The following MAP4K3 variants were observed in gnomAD, a reference collection of about 807,000 sequenced individuals.
MAP4K3 encodes MAPK/ERK kinase kinase kinase 3.
Under a neutral mutation model 143.5 loss-of-function variants are expected in MAP4K3, and 94 were observed. The observed-to-expected ratio is 0.65, with a 90% CI of 0.55 to 0.78. The LOEUF (loss-of-function observed/expected upper bound fraction) is 0.78, where lower values mean the gene tolerates loss of function less well. Among genes scored for constraint, MAP4K3 ranks in the 30% least tolerant of loss-of-function variants. The pLI is 0.00. For synonymous variants in MAP4K3, 416 were observed against 347.2 expected (o/e 1.20, Z -2.20); for missense variants, 1,077 against 1,068.1 (o/e 1.01, Z -0.12).
intron 14 of MAP4K3, among the ~76,000 whole-genome samples, chr2:39,308,838 C>T (rs1252679338): frequency 6.6e-6 from 1 of 151,756 alleles, no homozygotes; most frequent in Non-Finnish European, 1.5e-5. Flanking sequence ...ACTATGTATG[C>T]CTCATCTCCC....
At chr2:39,308,087 T>C (rs2148497322) in intron 14 of MAP4K3, 82 bp from the exon 15 acceptor site, 1 of 927,466 alleles carries the variant, frequency 1.1e-6, no homozygotes, top group Non-Finnish European at 1.7e-6. Context: ...CTTTCACAAA[T>C]GAAGTAAGTC....
chr2:39,327,631 C>A (rs186737493), intron 8 of MAP4K3, among the ~76,000 whole-genome samples: 1 of 152,164 alleles, frequency 6.6e-6, no homozygotes, highest in African/African-American at 2.4e-5. Context: ...TCAGTAAAGT[C>A]AAAAACAAAA....
intron 6 of MAP4K3, among the ~76,000 whole-genome samples, chr2:39,335,438 A>G (rs1194269360): frequency 1.3e-5 from 2 of 152,188 alleles, no homozygotes; most frequent in African/African-American, 2.4e-5. Context: ...CAGACTCTGA[A>G]GTCTAGCACA....
chr2:39,336,407 G>A lies in MAP4K3; in HGVS notation c.414+513C>T, dbSNP rs562130234. Among the ~76,000 whole-genome samples the A allele has an allele frequency of 2.1e-5, 3 of 142,558 alleles. No homozygotes were observed. The South Asian group carries it at 7.0e-4, about 33-fold the overall frequency. 93.5% of individuals were successfully genotyped at this position (142,558 alleles called of 152,430 possible). A position where few individuals can be genotyped will look rare whatever the true frequency, so the allele number is the denominator to read the frequency against. On this transcript the variant is annotated intron_variant, in intron 6 of 33. Transcript: ENST00000263881. ...GGAATCACTTGAACCCGGGAGGGGA[G>A]GTTGCAGTGAGCCGACATCGTGCCA...
chr2:39,400,902 T>C (rs1166117067), intron 1 of MAP4K3, among the ~76,000 whole-genome samples: 1 of 152,162 alleles, frequency 6.6e-6, no homozygotes. Context: ...ACTTAGTCTT[T>C]AGACATGAAA....
At chr2:39,430,408 G>C (rs1217854139) in intron 1 of MAP4K3, among the ~76,000 whole-genome samples, 1 of 151,928 alleles carries the variant, frequency 6.6e-6, no homozygotes, top group Non-Finnish European at 1.5e-5. Flanking sequence ...CCTATAATCA[G>C]GTCAAGGCAG....
chr2:39,371,860 T>C (rs1666090166), intron 2 of MAP4K3, among the ~76,000 whole-genome samples: 1 of 151,154 alleles, frequency 6.6e-6, no homozygotes, highest in African/African-American at 2.4e-5. Flanking sequence ...CACATCTATC[T>C]ATATACATCC....
rs112543234 is a variant in MAP4K3, at chr2:39,278,238, C to A, written c.1794+169G>T. Among the ~76,000 whole-genome samples, 662 of 152,110 alleles carry A rather than the reference C, an allele frequency of 4.4e-3. 6 individuals carry two copies. Among genetic ancestry groups the A allele is most frequent in the African/African-American group, 0.015 (629 of 41,496 alleles). On this transcript the variant is annotated intron_variant, in intron 24 of 33. Coordinates refer to ENST00000263881, the MANE Select transcript of MAP4K3 (RefSeq NM_003618.4). Reference sequence around the variant, plus strand: ...AGTGAGCCGAGATCACACCACTGCACTGCAGCCTGGGCAACAAGAGTGAGA... The same window carrying A: ...AGTGAGCCGAGATCACACCACTGCAATGCAGCCTGGGCAACAAGAGTGAGA...
chr2:39,322,905 G>A (rs1683360070), intron 12 of MAP4K3, among the ~76,000 whole-genome samples: 2 of 151,964 alleles, frequency 1.3e-5, no homozygotes, highest in Non-Finnish European at 2.9e-5. Context: ...CCTGACCTCA[G>A]GTGATCCACC....
intron 2 of MAP4K3, among the ~76,000 whole-genome samples, chr2:39,358,321 C>T (rs1341437969): frequency 2.6e-5 from 4 of 152,198 alleles, no homozygotes; most frequent in African/African-American, 4.8e-5. Flanking sequence ...TCTTTGTACC[C>T]CTAGTACCAA....
intron 18 of MAP4K3, among the ~76,000 whole-genome samples, chr2:39,292,213 T>C (rs1194029703): frequency 1.3e-5 from 2 of 152,226 alleles, no homozygotes; most frequent in East Asian, 3.8e-4. Context: ...TATCAATCAC[T>C]GATAAATCTA....
intron 15 of MAP4K3, among the ~76,000 whole-genome samples, chr2:39,306,647 G>T (rs1267471776): frequency 2.0e-5 from 3 of 152,094 alleles, no homozygotes; most frequent in Non-Finnish European, 4.4e-5. Context: ...AGGAATCCGA[G>T]ATTAGTATGA....
At chr2:39,326,453 A>G (rs904329900) in intron 8 of MAP4K3, among the ~76,000 whole-genome samples, 176 bp from the exon 9 acceptor site, 4 of 152,118 alleles carry the variant, frequency 2.6e-5, no homozygotes, top group African/African-American at 9.7e-5. Context: ...TTGACATCTC[A>G]TAAGACCCTC....
At chr2:39,252,410 C>G (rs904455851) in intron 32 of MAP4K3, among the ~76,000 whole-genome samples, 6 of 152,242 alleles carry the variant, frequency 3.9e-5, no homozygotes, top group African/African-American at 1.4e-4. Context: ...ATCTACCATG[C>G]AGTAGAGCCC....
intron 4 of MAP4K3, among the ~76,000 whole-genome samples, chr2:39,341,153 G>A (rs1235150337): frequency 6.6e-6 from 1 of 152,134 alleles, no homozygotes; most frequent in Non-Finnish European, 1.5e-5. Context: ...AAAGCAATTA[G>A]AGATAAGAAC....
intron 1 of MAP4K3, among the ~76,000 whole-genome samples, chr2:39,402,214 T>C (rs1044883535): frequency 2.4e-4 from 37 of 152,192 alleles, no homozygotes; most frequent in Admixed American, 2.2e-3. Context: ...ATTAGTGAAC[T>C]TGAAGAAAAC....
At chr2:39,350,374 C>T (rs534197696) in intron 3 of MAP4K3, among the ~76,000 whole-genome samples, 2 of 152,276 alleles carry the variant, frequency 1.3e-5, no homozygotes, top group South Asian at 4.1e-4. Flanking sequence ...AAGATGTAAA[C>T]ATCAGAGAAA....
At chr2:39,380,159 C>T (rs570507073) in intron 1 of MAP4K3, among the ~76,000 whole-genome samples, 1 of 152,068 alleles carries the variant, frequency 6.6e-6, no homozygotes, top group Admixed American at 6.5e-5. Context: ...TGTTCTTTTG[C>T]TTTCTATGAT....
intron 1 of MAP4K3, among the ~76,000 whole-genome samples, chr2:39,417,183 G>A (rs1667404628): frequency 6.6e-6 from 1 of 151,728 alleles, no homozygotes; most frequent in Non-Finnish European, 1.5e-5. Context: ...ATTCATAAAT[G>A]GATACCAGGC....
Sources: allele counts gnomAD v4.1 joint callset (sites outside exome capture counted in the v4.1 genomes callset), GRCh38; gene constraint gnomAD v4.1.1; transcripts MANE v1.5; gene names NCBI Gene and HGNC (gene_info 2026-07-23, HGNC 2026-07-21).